Variants in CREB5 observed in about 807,000 individuals in gnomAD.
CREB5 encodes cAMP responsive element binding protein 5.
Under a neutral mutation model 57.1 loss-of-function variants are expected in CREB5, and 19 were observed. That is an observed-to-expected ratio of 0.33 (90% CI 0.23 to 0.49). CREB5 has a LOEUF of 0.49. CREB5 is among the 20% of genes least tolerant of loss of function. CREB5 has a pLI of 0.99. For synonymous variants in CREB5, 238 were observed against 238.3 expected (o/e 1.00, Z 0.01); for missense variants, 579 against 671.6 (o/e 0.86, Z 1.52).
chr7:28,560,911 T>TGCGCGTGTGTGTGC (rs1174704522), intron 4 of CREB5, among the ~76,000 whole-genome samples: 631 of 35,920 alleles, frequency 0.018, 89 homozygotes, highest in African/African-American at 0.068. Context: ...CGCGCGTGCG[T>TGCGCGTGTGTGTGC]GTGCGTGTGT....
intron 5 of CREB5, chr7:28,686,214 A>C (rs781360895): frequency 9.4e-6 from 15 of 1,595,484 alleles, no homozygotes; most frequent in African/African-American, 1.3e-5. Context: ...TTTTAATTTT[A>C]TTTTCTTTTC....
chr7:28,671,133 T>C (rs544757685), intron 5 of CREB5, among the ~76,000 whole-genome samples: 1 of 152,012 alleles, frequency 6.6e-6, no homozygotes, highest in East Asian at 2.0e-4. Context: ...GACAGGCCTG[T>C]AGTCCCACCT....
chr7:28,476,278 A>G (rs555097241), intron 1 of CREB5, among the ~76,000 whole-genome samples: 7 of 152,338 alleles, frequency 4.6e-5, no homozygotes, highest in African/African-American at 1.7e-4. Flanking sequence ...ATCTCTTTAA[A>G]GAACATTACC....
At chr7:28,803,302 G>A (rs1245813243) in intron 7 of CREB5, among the ~76,000 whole-genome samples, 2 of 151,868 alleles carry the variant, frequency 1.3e-5, no homozygotes, top group Non-Finnish European at 2.9e-5. Context: ...CATGGTAACA[G>A]AAAAGACCTA....
intron 5 of CREB5, among the ~76,000 whole-genome samples, chr7:28,656,524 G>T (rs998256146): frequency 1.3e-5 from 2 of 152,300 alleles, no homozygotes; most frequent in Middle Eastern, 6.8e-3. Flanking sequence ...TATCATAGCA[G>T]CATCGTGTAT....
intron 7 of CREB5, among the ~76,000 whole-genome samples, chr7:28,771,972 T>C (rs962301291): frequency 1.3e-5 from 2 of 152,166 alleles, no homozygotes; most frequent in Non-Finnish European, 2.9e-5. Flanking sequence ...AAATTTCCCA[T>C]GAGGAGGAAA....
chr7:28,724,170 T>C (rs1372048101), intron 6 of CREB5, 52 bp from the exon 7 acceptor site: 3 of 1,484,800 alleles, frequency 2.0e-6, no homozygotes, highest in Non-Finnish European at 2.8e-6. Context: ...CTTTGTCTAA[T>C]GACCTAGACT....
intron 9 of CREB5, among the ~76,000 whole-genome samples, chr7:28,809,969 A>G (rs936540733): frequency 6.6e-6 from 1 of 152,182 alleles, no homozygotes; most frequent in Admixed American, 6.5e-5. Context: ...GTTGATGGTC[A>G]TTATGTAGCT....
chr7:28,652,809 C>T (rs1448297848), intron 5 of CREB5, among the ~76,000 whole-genome samples: 2 of 152,162 alleles, frequency 1.3e-5, no homozygotes, highest in Non-Finnish European at 1.5e-5. Flanking sequence ...TATGATGCTA[C>T]CCGAATGTGT....
chr7:28,799,352 A>T (rs1808236454), intron 7 of CREB5, among the ~76,000 whole-genome samples: 1 of 152,222 alleles, frequency 6.6e-6, no homozygotes, highest in Non-Finnish European at 1.5e-5. Flanking sequence ...ACTTCCTTCA[A>T]ATAGTGGGCA....
intron 4 of CREB5, among the ~76,000 whole-genome samples, chr7:28,512,462 T>C (rs1213316383): frequency 1.3e-5 from 2 of 152,138 alleles, no homozygotes; most frequent in African/African-American, 4.8e-5. Flanking sequence ...CTAGCAGACA[T>C]GTTGAATGGA....
chr7:28,681,094 A>G (rs918921250), intron 5 of CREB5, among the ~76,000 whole-genome samples: 3 of 146,734 alleles, frequency 2.0e-5, no homozygotes, highest in Non-Finnish European at 4.6e-5. Context: ...TGGGGGTCCA[A>G]AAAAAGGGAG....
intron 1 of CREB5, among the ~76,000 whole-genome samples, chr7:28,438,304 T>C (rs2128559280): frequency 6.6e-6 from 1 of 152,228 alleles, no homozygotes; most frequent in East Asian, 1.9e-4. Flanking sequence ...ATATGTTGCA[T>C]ACTCCAAAAA....
At chr7:28,464,343 G>A (rs1051553381) in intron 1 of CREB5, among the ~76,000 whole-genome samples, 9 of 152,030 alleles carry the variant, frequency 5.9e-5, no homozygotes, top group African/African-American at 2.2e-4. Flanking sequence ...TTGATATCAG[G>A]CAATCATGGC....
chr7:28,639,585 T>C (rs1798566472), intron 5 of CREB5, among the ~76,000 whole-genome samples: 1 of 152,200 alleles, frequency 6.6e-6, no homozygotes, highest in African/African-American at 2.4e-5. Flanking sequence ...TTCTTGGTAC[T>C]TTGGCTTCTC....
intron 7 of CREB5, among the ~76,000 whole-genome samples, chr7:28,767,043 C>T (rs1806043208): frequency 6.6e-6 from 1 of 152,164 alleles, no homozygotes. Flanking sequence ...TTTGTTTTAA[C>T]AAAGAGTAAT....
chr7:28,801,061 G>A (rs1808334751), intron 7 of CREB5, among the ~76,000 whole-genome samples: 2 of 152,198 alleles, frequency 1.3e-5, no homozygotes, highest in South Asian at 4.1e-4. Flanking sequence ...CTTAGTTAAT[G>A]TTAGCCATTA....
intron 5 of CREB5, among the ~76,000 whole-genome samples, chr7:28,612,797 A>G (rs1389199937): frequency 6.6e-6 from 1 of 152,222 alleles, no homozygotes; most frequent in Non-Finnish European, 1.5e-5. Context: ...TATGTTAAAT[A>G]ATGTTGAATT....
intron 5 of CREB5, among the ~76,000 whole-genome samples, chr7:28,607,704 C>T (rs1797194700): frequency 6.6e-6 from 1 of 150,596 alleles, no homozygotes; most frequent in South Asian, 2.1e-4. Flanking sequence ...AACATTGACT[C>T]TTACCCAAAA....
Sources: gnomAD v4.1 joint callset for allele counts (sites outside exome capture counted in the v4.1 genomes callset) on GRCh38, gnomAD v4.1.1 for gene constraint, MANE v1.5 for transcripts, NCBI Gene and HGNC (gene_info 2026-07-23, HGNC 2026-07-21) for gene names.